The following RGL1 variants were observed in gnomAD, a reference collection of about 807,000 sequenced individuals.
RGL1 encodes ral guanine nucleotide dissociation stimulator-like 1.
RGL1 carries 24 observed loss-of-function variants against 95.2 expected under a neutral mutation model. The observed-to-expected ratio is 0.25, with a 90% confidence interval of 0.18 to 0.35. The LOEUF (loss-of-function observed/expected upper bound fraction) is 0.35, where lower values mean the gene tolerates loss of function less well. Ranked by LOEUF, RGL1 falls within the 10% of genes least tolerant of loss-of-function variation. The probability of loss-of-function intolerance (pLI) is 1.00; values close to 1 mark genes in which losing one functional copy is unlikely to be tolerated. For missense variants in RGL1, 715 were observed against 936.3 expected (o/e 0.76, Z 3.08); for synonymous variants, 329 against 344.9 (o/e 0.95, Z 0.51).
At chr1:183,894,145 T>A (rs1187612462) in intron 9 of RGL1, among the ~76,000 whole-genome samples, 4 of 152,198 alleles carry the variant, frequency 2.6e-5, no homozygotes, top group African/African-American at 9.7e-5. Flanking sequence ...GATGGCTTAG[T>A]GGTCTCCCTG....
chr1:183,751,341 C>G (rs568930379), intron 2 of RGL1, among the ~76,000 whole-genome samples: 124 of 152,274 alleles, frequency 8.1e-4, no homozygotes, highest in Middle Eastern at 6.8e-3. Flanking sequence ...TCCGAACTTC[C>G]CAATGGCTTT....
At chr1:183,802,431 G>A (rs1278521917), upstream of RGL1, among the ~76,000 whole-genome samples, 1 of 152,028 alleles carries the variant, frequency 6.6e-6, no homozygotes, top group Non-Finnish European at 1.5e-5. Context: ...ATCCTTCGTA[G>A]TTCCATTTGA....
chr1:183,835,448 C>T (rs1459055314), intron 2 of RGL1, among the ~76,000 whole-genome samples: 1 of 152,096 alleles, frequency 6.6e-6, no homozygotes, highest in Non-Finnish European at 1.5e-5. Flanking sequence ...CCATGGATTC[C>T]CAGTCTGTAT....
Position 183,806,369 on chromosome 1 carries a change from T to C in RGL1, c.28-6T>C, listed in dbSNP as rs760249305. 1 of 1,609,712 alleles carries C rather than the reference T, an allele frequency of 6.2e-7. No homozygotes were observed. On this transcript the variant is annotated splice_region_variant and splice_polypyrimidine_tract_variant and intron_variant, in intron 1 of 17. Transcript: ENST00000360851. ...TTTTTCTTTCTCTTTATCCCGTCCC[T>C]GGCAGAGCTCGATTCAGGACTGGGG...
At chr1:183,679,218 G>A (rs1211470458) in intron 1 of RGL1, among the ~76,000 whole-genome samples, 1 of 152,038 alleles carries the variant, frequency 6.6e-6, no homozygotes, top group Non-Finnish European at 1.5e-5. Flanking sequence ...TTTGATTTAA[G>A]TATTTTTATA....
At chr1:183,708,287 C>T (rs1446036851) in intron 1 of RGL1, among the ~76,000 whole-genome samples, 1 of 152,076 alleles carries the variant, frequency 6.6e-6, no homozygotes, top group African/African-American at 2.4e-5. Context: ...CCATCCTGGA[C>T]GGCCGGAGGG....
At chr1:183,730,429 C>T (rs1656564303) in intron 1 of RGL1, among the ~76,000 whole-genome samples, 1 of 152,162 alleles carries the variant, frequency 6.6e-6, no homozygotes, top group African/African-American at 2.4e-5. Flanking sequence ...TACCTCCCCT[C>T]TCTGAGATAA....
intron 3 of RGL1, among the ~76,000 whole-genome samples, chr1:183,861,003 C>T (rs764782831): frequency 7.2e-5 from 11 of 152,180 alleles, no homozygotes; most frequent in Non-Finnish European, 1.6e-4. Flanking sequence ...GGCTGAAATC[C>T]CTGCTGCACG....
At chr1:183,822,344 C>T (rs1026706457) in intron 2 of RGL1, among the ~76,000 whole-genome samples, 47 of 89,832 alleles carry the variant, frequency 5.2e-4, no homozygotes, top group Non-Finnish European at 8.3e-4. Context: ...CCACAAAAGC[C>T]ACCAAACATT....
chr1:183,832,148 A>T (rs1206085786), intron 2 of RGL1, among the ~76,000 whole-genome samples: 1 of 152,170 alleles, frequency 6.6e-6, no homozygotes, highest in Non-Finnish European at 1.5e-5. Context: ...CCAGTTATGG[A>T]CTGAGATGTA....
At chr1:183,648,046 T>A (rs771853196) in intron 1 of RGL1, 1 of 1,614,244 alleles carries the variant, frequency 6.2e-7, no homozygotes, top group Non-Finnish European at 8.5e-7. Flanking sequence ...TTCCTTTTTG[T>A]CTGGAGAAGA....
intron 1 of RGL1, among the ~76,000 whole-genome samples, chr1:183,688,607 A>AT (rs1427233955): frequency 1.3e-5 from 2 of 152,146 alleles, no homozygotes; most frequent in African/African-American, 4.8e-5. Context: ...AAGCCAGACT[A>AT]TTGATGCATT....
intron 3 of RGL1, among the ~76,000 whole-genome samples, chr1:183,863,102 T>C (rs1002231085): frequency 6.6e-6 from 1 of 151,910 alleles, no homozygotes; most frequent in Non-Finnish European, 1.5e-5. Flanking sequence ...AGGCACAGAT[T>C]CAGAGGCAGG....
In RGL1 at chr1:183,764,663, C is replaced by T. The variant is rs765914210; in HGVS notation, c.132+22374C>T. 3.9e-5 allele frequency among the ~76,000 whole-genome samples: 6 copies of T among 152,072 alleles called. No individual in the cohort carries two copies. In the East Asian group the frequency reaches 9.6e-4, roughly 24 times the overall value. On this transcript the variant is annotated intron_variant, in intron 2 of 18. Transcript: ENST00000304685. ...CCTCAATCATGGAGAATATGGTTGT[C>T]GATCTTTCGGGCTGCTTCATGCTAA...
intron 1 of RGL1, among the ~76,000 whole-genome samples, chr1:183,715,186 C>A (rs933255633): frequency 1.3e-5 from 2 of 152,140 alleles, no homozygotes; most frequent in Admixed American, 1.3e-4. Context: ...CCTCTCTGAG[C>A]CTCATTGAAA....
intron 1 of RGL1, among the ~76,000 whole-genome samples, chr1:183,699,730 G>A (rs1654469527): frequency 6.6e-6 from 1 of 152,012 alleles, no homozygotes. Flanking sequence ...TGTTTGCTTT[G>A]TTCTAATACT....
At chr1:183,761,147 T>G (rs989904024) in intron 2 of RGL1, among the ~76,000 whole-genome samples, 2 of 152,270 alleles carry the variant, frequency 1.3e-5, no homozygotes, top group Admixed American at 1.3e-4. Flanking sequence ...GAATTATGAA[T>G]GTTCTTAATG....
At chr1:183,854,439 C>T (rs528337625) in intron 3 of RGL1, among the ~76,000 whole-genome samples, 4 of 152,276 alleles carry the variant, frequency 2.6e-5, no homozygotes, top group African/African-American at 4.8e-5. Context: ...TTCTTTATGT[C>T]GCCTGGAGTA....
intron 2 of RGL1, among the ~76,000 whole-genome samples, chr1:183,778,456 T>A (rs760351462): frequency 3.9e-5 from 6 of 152,236 alleles, no homozygotes; most frequent in Non-Finnish European, 5.9e-5. Context: ...GAAAACTGTA[T>A]ACTATGTAAA....
Sources: gnomAD v4.1 joint callset for allele counts (sites outside exome capture counted in the v4.1 genomes callset) on GRCh38, gnomAD v4.1.1 for gene constraint, MANE v1.5 for transcripts, NCBI Gene and HGNC (gene_info 2026-07-23, HGNC 2026-07-21) for gene names.